The following DOC2B variants were observed in gnomAD, a reference collection of about 807,000 sequenced individuals.
DOC2B encodes double C2 domain beta.
DOC2B carries 21 observed loss-of-function variants against 28.9 expected under a neutral mutation model. The observed-to-expected ratio is 0.73, with a 90% confidence interval of 0.52 to 1.05. The LOEUF is 1.05. Ranked by LOEUF, DOC2B falls within the 50% of genes least tolerant of loss-of-function variation. DOC2B has a pLI of 0.00. For missense variants in DOC2B, 384 were observed against 421.1 expected, an observed-to-expected ratio of 0.91 and a Z score of 0.77; for synonymous variants, 194 against 178.1, an observed-to-expected ratio of 1.09 and a Z score of -0.71.
Position 156,359 on chromosome 17 carries a change from TGTC to T in DOC2B, c.781_783del (p.Asp261del). The T allele has an allele frequency of 6.4e-7, 1 of 1,551,432 alleles. No homozygotes were observed. The highest frequency in any genetic ancestry group is 1.4e-5 in the African/African-American group (1 of 73,146). ...ATGCGGCCCCGCTCCTCCAGGGACT[TGTC>T]TTCAGTCTTGTCCACCTGTTGGACG... is the stretch of plus-strand genomic sequence containing the variant. On this transcript the variant is annotated inframe_deletion, in exon 6 of 9. Transcript: ENST00000613549.
chr17:156,404 C>T (rs1171270594), intron 5 of DOC2B, 27 bp from the exon 6 acceptor site: 1 of 1,548,154 alleles, frequency 6.5e-7, no homozygotes, highest in Non-Finnish European at 8.7e-7. Flanking sequence ...TCACTCAGTC[C>T]TCACCTGCTC....
chr17:154,298 T>C (rs949384444), intron 6 of DOC2B, among the ~76,000 whole-genome samples: 17 of 149,420 alleles, frequency 1.1e-4, no homozygotes, highest in South Asian at 2.1e-4. Context: ...TCCACGCACC[T>C]GCTACACTCC....
At chr17:155,064 C>G (rs926150847) in intron 6 of DOC2B, among the ~76,000 whole-genome samples, 3 of 152,076 alleles carry the variant, frequency 2.0e-5, no homozygotes, top group Non-Finnish European at 4.4e-5. Context: ...GAGACAAGGT[C>G]TCAGTATGTT....
At chr17:149,302 C>T (rs1256069207) in intron 6 of DOC2B, 110 bp from the exon 7 acceptor site, 1 of 397,984 alleles carries the variant, frequency 2.5e-6, no homozygotes, top group African/African-American at 2.1e-5. Context: ...ATTCCTGGGC[C>T]CTTCTTTTGT....
At chr17:178,233 G>C (rs972652396) in intron 1 of DOC2B, among the ~76,000 whole-genome samples, 1 of 152,208 alleles carries the variant, frequency 6.6e-6, no homozygotes, top group South Asian at 2.1e-4. Context: ...AATAGGAAAC[G>C]GGCCTTGATT....
Position 154,215 on chromosome 17 carries a change from C to T in DOC2B, c.923+2005G>A, listed in dbSNP as rs542599814. Among the ~76,000 whole-genome samples, 94 of 149,594 alleles carry T rather than the reference C, an allele frequency of 6.3e-4. No homozygotes were observed. In the Middle Eastern group the frequency reaches 0.011, roughly 17 times the overall value. Reference sequence around the variant, plus strand: ...TACACTCCTTCTTAGGGCTGATATTCCACACACCCGCTACACTCCTTCTTA... The same window carrying T: ...TACACTCCTTCTTAGGGCTGATATTTCACACACCCGCTACACTCCTTCTTA... On this transcript the variant is annotated intron_variant, in intron 6 of 8. Transcript: ENST00000613549.
At chr17:149,738 T>C (rs2040052726) in intron 6 of DOC2B, among the ~76,000 whole-genome samples, 1 of 152,216 alleles carries the variant, frequency 6.6e-6, no homozygotes, top group Non-Finnish European at 1.5e-5. Context: ...GCTCCTGACC[T>C]CAGGTGATCC....
intron 6 of DOC2B, chr17:155,913 T>A: frequency 2.6e-6 from 1 of 378,140 alleles, no homozygotes; most frequent in Non-Finnish European, 4.7e-6. Flanking sequence ...TGTCCCCTCC[T>A]GCAACTCATG....
At chr17:177,387 C>T (rs976703058) in intron 1 of DOC2B, among the ~76,000 whole-genome samples, 1 of 152,198 alleles carries the variant, frequency 6.6e-6, no homozygotes, top group Admixed American at 6.5e-5. Flanking sequence ...GGTCTCTTCC[C>T]CTTCTTTGAG....
At chr17:150,235 T>C (rs1179393408) in intron 6 of DOC2B, among the ~76,000 whole-genome samples, 1 of 152,226 alleles carries the variant, frequency 6.6e-6, no homozygotes, top group Admixed American at 6.5e-5. Context: ...CCTGCATAGA[T>C]AATTGCATGA....
chr17:178,719 G>C (rs1366244632), intron 1 of DOC2B, among the ~76,000 whole-genome samples: 1 of 152,240 alleles, frequency 6.6e-6, no homozygotes, highest in Non-Finnish European at 1.5e-5. Flanking sequence ...AGGAGAAAAG[G>C]CTGAGTAAAT....
chr17:174,664 C>T (rs1444186111), intron 1 of DOC2B, among the ~76,000 whole-genome samples: 3 of 152,172 alleles, frequency 2.0e-5, no homozygotes, highest in Admixed American at 1.3e-4. Flanking sequence ...GCCCTCTTTT[C>T]GGTTTTCTTC....
chr17:154,143 A>G (rs7213004), intron 6 of DOC2B, among the ~76,000 whole-genome samples: 99,891 of 133,604 alleles, frequency 0.75, 36,454 homozygotes, highest in Non-Finnish European at 0.8. Context: ...CTGATATTCC[A>G]CGCACCTGCT....
chr17:180,067 G>C (rs962921554), intron 1 of DOC2B, among the ~76,000 whole-genome samples: 1 of 152,262 alleles, frequency 6.6e-6, no homozygotes, highest in Non-Finnish European at 1.5e-5. Flanking sequence ...CGCAGGGGAG[G>C]GGCAGCACCA....
At chr17:180,392 G>A (rs1288794864) in intron 1 of DOC2B, among the ~76,000 whole-genome samples, 1 of 152,034 alleles carries the variant, frequency 6.6e-6, no homozygotes, top group Non-Finnish European at 1.5e-5. Flanking sequence ...CCGGGAGGAG[G>A]GGGAGCGGGC....
rs1485532926 is a variant in DOC2B, at chr17:148,161, A to G, written c.1102+12T>C. Reference sequence around the variant, plus strand: ...CACACAGTGAGACGGTGTTCCCACTATGCCCCCTTACCAATGAAATCGTTG... The same window carrying G: ...CACACAGTGAGACGGTGTTCCCACTGTGCCCCCTTACCAATGAAATCGTTG... On this transcript the variant is annotated intron_variant, in intron 8 of 8. Transcript: ENST00000613549. 1 of 398,494 alleles carries G rather than the reference A, an allele frequency of 2.5e-6. No homozygotes were observed. The highest frequency in any genetic ancestry group is 1.3e-4 in the South Asian group (1 of 7,858). 24.7% of individuals were successfully genotyped at this position (398,494 alleles called of 1,614,324 possible).
chr17:163,531 G>A (rs2040227867), intron 3 of DOC2B: 2 of 152,346 alleles, frequency 1.3e-5, no homozygotes, highest in African/African-American at 4.8e-5. Flanking sequence ...GACTTTCCAT[G>A]GCTCAAGGTC....
chr17:165,441 C>A (rs1350519458), intron 2 of DOC2B, among the ~76,000 whole-genome samples: 1 of 150,600 alleles, frequency 6.6e-6, no homozygotes, highest in Non-Finnish European at 1.5e-5. Flanking sequence ...ATGATCGCAC[C>A]ACTGCACTCC....
At position 143,276 on chromosome 17, in the gene DOC2B, T is replaced by A. The variant is rs1478212751; in HGVS notation, c.*4165A>T. 6.6e-6 allele frequency: 1 copy of A among 151,714 alleles called. No homozygotes were observed. Among genetic ancestry groups the A allele is most frequent in the Non-Finnish European group, 1.5e-5 (1 of 68,012 alleles). The allele number at this position is 151,714 out of a possible 1,614,324, so 9.4% of individuals were successfully genotyped here. A position where few individuals can be genotyped will look rare whatever the true frequency, so the allele number is the denominator to read the frequency against. On this transcript the variant is annotated 3_prime_UTR_variant, in exon 9 of 9. Coordinates refer to ENST00000613549, the MANE Select transcript of DOC2B (RefSeq NM_003585.5). ...AAGAGTAACAAGACTATATCCGGAG[T>A]AGGTTTCAGTTGCCTTTTCCTCCGT...
Sources: allele counts gnomAD v4.1 joint callset (sites outside exome capture counted in the v4.1 genomes callset), GRCh38; gene constraint gnomAD v4.1.1; transcripts MANE v1.5; gene names NCBI Gene and HGNC (gene_info 2026-07-23, HGNC 2026-07-21).